DOCK10: variants seen among roughly 807,000 people sequenced by gnomAD.
DOCK10 encodes the protein dedicator of cytokinesis protein 10.
In DOCK10, 145 loss-of-function variants were observed where a neutral mutation model predicts 280.1. That is an observed-to-expected ratio of 0.52 (90% CI 0.45 to 0.59). DOCK10 has a LOEUF of 0.59. Among genes scored for constraint, DOCK10 ranks in the 20% least tolerant of loss-of-function variants. DOCK10 has a pLI of 0.00. For missense variants in DOCK10, 2,368 were observed against 2,651.7 expected, an observed-to-expected ratio of 0.89 and a Z score of 2.35; for synonymous variants, 915 against 942.2, an observed-to-expected ratio of 0.97 and a Z score of 0.53.
At chr2:224,768,513 C>T (rs774408063) in intron 55 of DOCK10, among the ~76,000 whole-genome samples, 3 of 152,120 alleles carry the variant, frequency 2.0e-5, no homozygotes, top group Non-Finnish European at 4.4e-5. Flanking sequence ...CAAAGGTTTC[C>T]TGGAAAAGAG....
chr2:225,033,105 A>T (rs1333233505), intron 1 of DOCK10, among the ~76,000 whole-genome samples: 2 of 152,148 alleles, frequency 1.3e-5, no homozygotes, highest in Non-Finnish European at 2.9e-5. Context: ...GTCTCAGAGG[A>T]GGTATGCTGA....
intron 48 of DOCK10, among the ~76,000 whole-genome samples, chr2:224,788,180 C>A (rs999247804): frequency 6.6e-6 from 1 of 152,118 alleles, no homozygotes; most frequent in African/African-American, 2.4e-5. Flanking sequence ...CCATTCCCCA[C>A]CCTGTAGGAA....
intron 11 of DOCK10, among the ~76,000 whole-genome samples, chr2:224,870,928 G>A (rs1408810258): frequency 6.7e-6 from 1 of 149,446 alleles, no homozygotes; most frequent in East Asian, 2.0e-4. Context: ...CTGGGTTCAG[G>A]CGATTCTTCT....
intron 2 of DOCK10, among the ~76,000 whole-genome samples, chr2:224,925,749 G>T (rs1702013668): frequency 6.6e-6 from 1 of 152,188 alleles, no homozygotes; most frequent in Non-Finnish European, 1.5e-5. Context: ...CTTATTTATG[G>T]TTTTGTACTT....
At chr2:225,014,901 T>C (rs1689550186) in intron 1 of DOCK10, among the ~76,000 whole-genome samples, 1 of 152,212 alleles carries the variant, frequency 6.6e-6, no homozygotes, top group Non-Finnish European at 1.5e-5. Flanking sequence ...TCTTTTTTGT[T>C]AATATTTTTA....
At chr2:225,016,034 A>G (rs1689580749) in intron 1 of DOCK10, among the ~76,000 whole-genome samples, 1 of 152,174 alleles carries the variant, frequency 6.6e-6, no homozygotes, top group African/African-American at 2.4e-5. Flanking sequence ...CCTAAATGGG[A>G]TAGCATGTGC....
intron 3 of DOCK10, among the ~76,000 whole-genome samples, 181 bp downstream of exon 3, chr2:224,916,514 C>T (rs1025022327): frequency 2.8e-5 from 4 of 144,690 alleles, no homozygotes; most frequent in African/African-American, 1.0e-4. Context: ...ACACTCCAGC[C>T]TGGGTGACAG....
intron 1 of DOCK10, among the ~76,000 whole-genome samples, chr2:224,995,257 A>C (rs1259126805): frequency 6.6e-6 from 1 of 152,258 alleles, no homozygotes; most frequent in Non-Finnish European, 1.5e-5. Context: ...CTGTTGGTCT[A>C]TAGTTTAGTC....
At chr2:224,800,120 T>G in intron 41 of DOCK10, 31 bp downstream of exon 41, 2 of 1,362,136 alleles carry the variant, frequency 1.5e-6, no homozygotes, top group Non-Finnish European at 2.1e-6. Flanking sequence ...ATTTCATCAT[T>G]TTTTGCAGAA....
In DOCK10 at chr2:224,806,228, C is replaced by A; in HGVS notation, c.3712G>T (p.Asp1238Tyr). Residue 1238 changes from aspartate to tyrosine, a missense_variant, in exon 34 of 56, where the codon GAT becomes TAT. Asp to Tyr is a radical substitution (Grantham distance 160). Coordinates refer to ENST00000258390, the MANE Select transcript of DOCK10 (RefSeq NM_014689.3). ...AATCCTCCATTGGTGCTTAGATCAT[C>A]TCTAGACCCCTGTATTCAAAGTATA... ...TVNTSNQGSR[D>Y]DLSTNGGFQS... is the part of the protein sequence containing the mutation. 6.3e-7 allele frequency: 1 copy of A among 1,589,564 alleles called. No homozygotes were observed. The highest frequency in any genetic ancestry group is 8.6e-7 in the Non-Finnish European group (1 of 1,162,098).
At chr2:225,010,741 A>T (rs1410300938) in intron 1 of DOCK10, among the ~76,000 whole-genome samples, 1 of 152,194 alleles carries the variant, frequency 6.6e-6, no homozygotes, top group Non-Finnish European at 1.5e-5. Context: ...GAAATACAGA[A>T]AAGCAAATCA....
intron 1 of DOCK10, among the ~76,000 whole-genome samples, chr2:224,992,393 A>C (rs570597524): frequency 6.6e-6 from 1 of 152,350 alleles, no homozygotes; most frequent in African/African-American, 2.4e-5. Flanking sequence ...AAAGATAAAA[A>C]GATAGCCTGA....
At chr2:224,784,563 C>G (rs1000404016) in intron 50 of DOCK10, among the ~76,000 whole-genome samples, 1 of 152,110 alleles carries the variant, frequency 6.6e-6, no homozygotes, top group Non-Finnish European at 1.5e-5. Context: ...ATAAACACAA[C>G]TTAGTTAAAG....
chr2:225,032,934 A>C (rs1690121839), intron 1 of DOCK10, among the ~76,000 whole-genome samples: 1 of 152,238 alleles, frequency 6.6e-6, no homozygotes, highest in African/African-American at 2.4e-5. Context: ...ATTGGTAATT[A>C]CTAAGATAAT....
At chr2:224,851,530 G>A (rs566429073) in intron 18 of DOCK10, among the ~76,000 whole-genome samples, 41 of 148,280 alleles carry the variant, frequency 2.8e-4, no homozygotes, top group Middle Eastern at 3.5e-3. Context: ...CACTCAAATT[G>A]ATTATTGTTC....
At chr2:224,816,123 CTAAA>C (rs1226992141) in intron 30 of DOCK10, among the ~76,000 whole-genome samples, 2 of 151,582 alleles carry the variant, frequency 1.3e-5, no homozygotes, top group African/African-American at 2.4e-5. Context: ...TTTCATGCTC[CTAAA>C]TAATTTTATT....
At chr2:225,030,201 A>G (rs1690038927) in intron 1 of DOCK10, among the ~76,000 whole-genome samples, 1 of 151,890 alleles carries the variant, frequency 6.6e-6, no homozygotes, top group African/African-American at 2.4e-5. Context: ...AAGGAAAGGA[A>G]ACCATTACAT....
At chr2:224,914,845 C>T (rs186718862) in intron 3 of DOCK10, among the ~76,000 whole-genome samples, 7 of 152,150 alleles carry the variant, frequency 4.6e-5, no homozygotes, top group African/African-American at 1.7e-4. Context: ...TACTTGTTTA[C>T]GCCTACACAC....
At chr2:224,894,559 A>G (rs781727164) in intron 4 of DOCK10, among the ~76,000 whole-genome samples, 6 of 152,234 alleles carry the variant, frequency 3.9e-5, no homozygotes, top group Non-Finnish European at 7.3e-5. Flanking sequence ...TGTGCCTACA[A>G]AAACTGTGTC....
Sources: allele counts gnomAD v4.1 joint callset (sites outside exome capture counted in the v4.1 genomes callset), GRCh38; gene constraint gnomAD v4.1.1; transcripts MANE v1.5; gene names NCBI Gene and HGNC (gene_info 2026-07-23, HGNC 2026-07-21).